The following TLR4 variants were observed in gnomAD, a reference collection of about 807,000 sequenced individuals.
TLR4 encodes toll-like receptor 4.
A neutral mutation model predicts 27.4 loss-of-function variants in TLR4; 17 were observed. The ratio of observed to expected loss-of-function variants is 0.62; its 90% confidence interval spans 0.42 to 0.93. The LOEUF (loss-of-function observed/expected upper bound fraction) is 0.93. Among genes scored for constraint, TLR4 ranks in the 40% least tolerant of loss-of-function variants. The probability of loss-of-function intolerance (pLI) is 0.00; values close to 1 mark genes in which losing one functional copy is unlikely to be tolerated. For synonymous variants in TLR4, 363 were observed against 365.7 expected (o/e 0.99, Z 0.08); for missense variants, 926 against 962.3 (o/e 0.96, Z 0.50).
intron 1 of TLR4, chr9:117,708,336 G>A (rs920118940): frequency 1.6e-5 from 22 of 1,345,590 alleles, no homozygotes; most frequent in South Asian, 3.1e-5. Flanking sequence ...TGCTGAGCAC[G>A]TAGTAGGTGC....
At position 117,715,961 on chromosome 9, in the gene TLR4, C is replaced by G. The variant is rs1361800869; in HGVS notation, c.*1313C>G. 6.6e-6 allele frequency: 1 copy of G among 151,924 alleles called. No homozygotes were observed. The highest frequency in any genetic ancestry group is 6.6e-5 in the Admixed American group (1 of 15,246). The allele number at this position is 151,924 out of a possible 1,614,324, so 9.4% of individuals were successfully genotyped here. A position where few individuals can be genotyped will look rare whatever the true frequency, so the allele number is the denominator to read the frequency against. On this transcript the variant is annotated 3_prime_UTR_variant, in exon 3 of 3. Coordinates refer to ENST00000355622, the MANE Select transcript of TLR4 (RefSeq NM_138554.5). The stretch of plus-strand genomic sequence containing the variant: ...CCAGCCTCCTCAGAAACAGAACATT[C>G]AAGAAAAGGACAATCAGGATGTCAT...
rs1829377603 is a variant in TLR4, at chr9:117,717,873, A to G, written c.*3225A>G. 1 of 152,180 alleles carries G rather than the reference A, an allele frequency of 6.6e-6. No individual in the cohort carries two copies. The highest frequency in any genetic ancestry group is 2.4e-5 in the African/African-American group (1 of 41,458). The allele number at this position is 152,180 out of a possible 1,614,324, so 9.4% of individuals were successfully genotyped here. A position where few individuals can be genotyped will look rare whatever the true frequency, so the allele number is the denominator to read the frequency against. On this transcript the variant is annotated 3_prime_UTR_variant, in exon 3 of 3. Transcript: ENST00000355622. ...GAAATGGCAGGTGAGGTGGACAAGCAGGGAAAGAAATTATATGCATAGAAC... is the reference window on the plus strand; with the variant it reads ...GAAATGGCAGGTGAGGTGGACAAGCGGGGAAAGAAATTATATGCATAGAAC...
intron 1 of TLR4, among the ~76,000 whole-genome samples, chr9:117,707,198 A>G (rs972405456): frequency 6.6e-6 from 1 of 152,218 alleles, no homozygotes; most frequent in African/African-American, 2.4e-5. Flanking sequence ...CACTGTTTCT[A>G]TTAGACAATA....
Position 117,717,920 on chromosome 9 carries a change from G to C in TLR4, c.*3272G>C, listed in dbSNP as rs1230542392. ...GAACAGAAGGAGAAGAAAGAGTAAAGTCAGGCCTCAGCCAGCCTCTTTTTA... is the reference window on the plus strand; with the variant it reads ...GAACAGAAGGAGAAGAAAGAGTAAACTCAGGCCTCAGCCAGCCTCTTTTTA... On this transcript the variant is annotated 3_prime_UTR_variant, in exon 3 of 3. Transcript: ENST00000355622. 2 of 152,150 alleles carry C rather than the reference G, an allele frequency of 1.3e-5. No homozygotes were observed. The highest frequency in any genetic ancestry group is 4.8e-5 in the African/African-American group (2 of 41,430). 9.4% of individuals were successfully genotyped at this position (152,150 alleles called of 1,614,324 possible). A position where few individuals can be genotyped will look rare whatever the true frequency, so the allele number is the denominator to read the frequency against.
At chr9:117,709,771 A>G (rs927727073) in intron 2 of TLR4, among the ~76,000 whole-genome samples, 1 of 152,152 alleles carries the variant, frequency 6.6e-6, no homozygotes, top group African/African-American at 2.4e-5. Context: ...TCTAATTTGG[A>G]TATAGATAGG....
rs1829400893 is a variant in TLR4 at position 117,719,687 on chromosome 9, C to G, written c.*5039C>G. ...TCATGTCTACAGTTGGTCTGACTTC[C>G]TGACGGGCATCACAGACTTGTGATT... On this transcript the variant is annotated 3_prime_UTR_variant, in exon 3 of 3. Coordinates refer to ENST00000355622, the MANE Select transcript of TLR4 (RefSeq NM_138554.5). The G allele has an allele frequency of 6.6e-6, 1 of 151,956 alleles. No individual in the cohort carries two copies. Among genetic ancestry groups the G allele is most frequent in the African/African-American group, 2.4e-5 (1 of 41,378 alleles). 9.4% of individuals were successfully genotyped at this position (151,956 alleles called of 1,614,324 possible). A position where few individuals can be genotyped will look rare whatever the true frequency, so the allele number is the denominator to read the frequency against.
rs1001309462 is a variant in TLR4, at chr9:117,720,178, A to G, written c.*5530A>G. On this transcript the variant is annotated 3_prime_UTR_variant, in exon 3 of 3. Transcript: ENST00000355622. ...ATGAAGAAACAGATGAAAGGACTGA[A>G]TTGTTCAATAGGAAGGAGCAGAATC... 2 of 152,146 alleles carry G rather than the reference A, an allele frequency of 1.3e-5. No individual in the cohort carries two copies. Among genetic ancestry groups the G allele is most frequent in the African/African-American group, 4.8e-5 (2 of 41,422 alleles). 9.4% of individuals were successfully genotyped at this position (152,146 alleles called of 1,614,324 possible). A position where few individuals can be genotyped will look rare whatever the true frequency, so the allele number is the denominator to read the frequency against.
In TLR4 at chr9:117,722,263, C is replaced by T. The variant is rs1047241438; in HGVS notation, c.*7615C>T. 9 of 152,124 alleles carry T rather than the reference C, an allele frequency of 5.9e-5. No homozygotes were observed. The highest frequency in any genetic ancestry group is 2.2e-4 in the African/African-American group (9 of 41,420). The allele number at this position is 152,124 out of a possible 1,614,324, so 9.4% of individuals were successfully genotyped here. On this transcript the variant is annotated 3_prime_UTR_variant, in exon 3 of 3. Coordinates refer to ENST00000355622, the MANE Select transcript of TLR4 (RefSeq NM_138554.5). The stretch of plus-strand genomic sequence containing the variant: ...TCCCCTCTGAAAAACACAGGATTTC[C>T]TTGCGAAAACTTGCTGGGCCACTGC...
At chr9:117,706,572 G>A (rs1255802219) in intron 1 of TLR4, among the ~76,000 whole-genome samples, 1 of 152,104 alleles carries the variant, frequency 6.6e-6, no homozygotes, top group Non-Finnish European at 1.5e-5. Context: ...CTCTTACTTA[G>A]ATTTCACCAC....
Position 117,710,487 on chromosome 9 carries a change from C to T in TLR4, c.260+1758C>T, listed in dbSNP as rs11536883. On this transcript the variant is annotated intron_variant, in intron 2 of 2. Coordinates refer to ENST00000355622, the MANE Select transcript of TLR4 (RefSeq NM_138554.5). ...TTTCAAACAAGAAGTAGTTTTTCACCAAACAATGTCTCTTATGTAATTCAT... is the reference window on the plus strand; with the variant it reads ...TTTCAAACAAGAAGTAGTTTTTCACTAAACAATGTCTCTTATGTAATTCAT... 5.7e-3 allele frequency among the ~76,000 whole-genome samples: 855 copies of T among 150,666 alleles called. 12 individuals carry two copies. The highest frequency in any genetic ancestry group is 0.02 in the African/African-American group (821 of 40,940).
Position 117,714,146 on chromosome 9 carries a change from T to C in TLR4, c.2018T>C (p.Ile673Thr), listed in dbSNP as rs914865914. Residue 673 changes from isoleucine to threonine, a missense_variant, in exon 3 of 3, where the codon ATC (isoleucine) becomes ACC (threonine). Coordinates refer to ENST00000355622, the MANE Select transcript of TLR4 (RefSeq NM_138554.5). ...ATAAAGTATGGTAGAGGTGAAAACA[T>C]CTATGATGCCTTTGTTATCTACTCA... Reference protein sequence around the residue: ...GCIKYGRGENIYDAFVIYSSQ... With the variant: ...GCIKYGRGENTYDAFVIYSSQ... The C allele has an allele frequency of 6.2e-7, 1 of 1,614,090 alleles. No homozygotes were observed. The highest frequency in any genetic ancestry group is 8.5e-7 in the Non-Finnish European group (1 of 1,180,012).
chr9:117,713,730 A>T lies in TLR4; in HGVS notation c.1602A>T (p.Ser534=). Residue 534 remains serine (S), a synonymous_variant, in exon 3 of 3, where the codon TCA becomes TCT. Transcript: ENST00000355622. ...ATATGAGCCACAACAACTTCTTTTC[A>T]TTGGATACGTTTCCTTATAAGTGTC... ...VLNMSHNNFF[S]LDTFPYKCLN... 1.2e-6 allele frequency: 2 copies of T among 1,613,980 alleles called. No homozygotes were observed. The highest frequency in any genetic ancestry group is 1.7e-6 in the Non-Finnish European group (2 of 1,180,000).
At position 117,714,209 on chromosome 9, in the gene TLR4, A is replaced by G. The variant is rs5030722; in HGVS notation, c.2081A>G (p.Lys694Arg). Residue 694 changes from lysine (K) to arginine (R), a missense_variant, in exon 3 of 3, where the codon AAG becomes AGG. By Grantham distance (26) the Lys-to-Arg change is conservative (BLOSUM62 2). Coordinates refer to ENST00000355622, the MANE Select transcript of TLR4 (RefSeq NM_138554.5). ...DEDWVRNELV[K>R]NLEEGVPPFQ... ...GACTGGGTAAGGAATGAGCTAGTAA[A>G]GAATTTAGAAGAAGGGGTGCCTCCA... The G allele has an allele frequency of 3.9e-4, 624 of 1,607,442 alleles. 1 individual carries two copies. Among genetic ancestry groups the G allele is most frequent in the Non-Finnish European group, 4.8e-4 (566 of 1,174,480 alleles).
rs1829398242 is a variant in TLR4, at chr9:117,719,474, A to G, written c.*4826A>G. ...AATGCATAAAACTTCCTATCTCACC[A>G]TTATAATTTTGACTGATATTAAACA... On this transcript the variant is annotated 3_prime_UTR_variant, in exon 3 of 3. Coordinates refer to ENST00000355622, the MANE Select transcript of TLR4 (RefSeq NM_138554.5). 6.6e-6 allele frequency: 1 copy of G among 152,152 alleles called. No homozygotes were observed. Among genetic ancestry groups the G allele is most frequent in the Non-Finnish European group, 1.5e-5 (1 of 68,016 alleles). The allele number at this position is 152,152 out of a possible 1,614,324, so 9.4% of individuals were successfully genotyped here. A position where few individuals can be genotyped will look rare whatever the true frequency, so the allele number is the denominator to read the frequency against.
chr9:117,707,073 C>G (rs1465252303), intron 1 of TLR4, among the ~76,000 whole-genome samples: 1 of 152,164 alleles, frequency 6.6e-6, no homozygotes, highest in Non-Finnish European at 1.5e-5. Flanking sequence ...ATCAAACTTG[C>G]AATGGAATAC....
At chr9:117,706,439 C>T (rs957079728) in intron 1 of TLR4, among the ~76,000 whole-genome samples, 3 of 152,092 alleles carry the variant, frequency 2.0e-5, no homozygotes, top group African/African-American at 7.2e-5. Flanking sequence ...AGGATCATTG[C>T]TGGTTTTATT....
intron 1 of TLR4, among the ~76,000 whole-genome samples, chr9:117,707,354 GA>G (rs1829151366): frequency 6.6e-6 from 1 of 152,182 alleles, no homozygotes; most frequent in Non-Finnish European, 1.5e-5. Flanking sequence ...AAGATTAAGT[GA>G]AAGTATATAA....
Position 117,715,318 on chromosome 9 carries a change from G to C in TLR4, c.*670G>C, listed in dbSNP as rs1429236426. ...TCATTTTTTTACGTCTTGCCTATAA[G>C]CTAATATCATAAATAAGGTTGTTTA... On this transcript the variant is annotated 3_prime_UTR_variant, in exon 3 of 3. Transcript: ENST00000355622. 1 of 152,208 alleles carries C rather than the reference G, an allele frequency of 6.6e-6. No homozygotes were observed. Among genetic ancestry groups the C allele is most frequent in the African/African-American group, 2.4e-5 (1 of 41,338 alleles). 9.4% of individuals were successfully genotyped at this position (152,208 alleles called of 1,614,324 possible).
In TLR4 at chr9:117,712,370, T is replaced by A. The variant is rs768527070; in HGVS notation, c.261-19T>A. On this transcript the variant is annotated intron_variant, in intron 2 of 2. Coordinates refer to ENST00000355622, the MANE Select transcript of TLR4 (RefSeq NM_138554.5). ...TTCAGCAGAAATATTAGATAATCAA[T>A]GTCTTTTTATTCCTGTAGGTGTGAA... 4 of 1,605,440 alleles carry A rather than the reference T, an allele frequency of 2.5e-6. No individual in the cohort carries two copies. The South Asian group carries it at 3.3e-5, about 13-fold the overall frequency.
Sources: gnomAD v4.1 joint callset for allele counts (sites outside exome capture counted in the v4.1 genomes callset) on GRCh38, gnomAD v4.1.1 for gene constraint, MANE v1.5 for transcripts, NCBI Gene and HGNC (gene_info 2026-07-23, HGNC 2026-07-21) for gene names.